Variants in GOLGA4 observed in about 807,000 individuals in gnomAD.
GOLGA4 encodes golgin subfamily A member 4.
GOLGA4 carries 169 observed loss-of-function variants against 265.9 expected under a neutral mutation model. That is an observed-to-expected ratio of 0.64 (90% confidence interval 0.56 to 0.72). The LOEUF (loss-of-function observed/expected upper bound fraction) is 0.72, where lower values mean the gene tolerates loss of function less well. Ranked by LOEUF, GOLGA4 falls within the 30% of genes least tolerant of loss-of-function variation. GOLGA4 has a pLI of 0.00. For synonymous variants in GOLGA4, 923 were observed against 855.8 expected, an observed-to-expected ratio of 1.08 and a Z score of -1.37; for missense variants, 2,482 against 2,483.4, an observed-to-expected ratio of 1.00 and a Z score of 0.01.
chr3:37,276,105 A>G, intron 2 of GOLGA4: 1 of 1,611,390 alleles, frequency 6.2e-7, no homozygotes, highest in Admixed American at 1.7e-5. Context: ...AGCACTTCTG[A>G]TTCTGTGCAG....
intron 16 of GOLGA4, 35 bp from the exon 17 acceptor site, chr3:37,335,018 C>A: frequency 3.2e-6 from 4 of 1,239,928 alleles, no homozygotes; most frequent in Non-Finnish European, 4.5e-6. Flanking sequence ...TCTTTTTTTT[C>A]TTTTCCTTTT....
chr3:37,285,256 C>T (rs1045531239), intron 3 of GOLGA4, among the ~76,000 whole-genome samples: 1 of 151,812 alleles, frequency 6.6e-6, no homozygotes, highest in African/African-American at 2.4e-5. Context: ...CTACCTCGGC[C>T]TCTCAAAATG....
At chr3:37,246,419 T>C (rs1191741729) in intron 1 of GOLGA4, among the ~76,000 whole-genome samples, 1 of 152,318 alleles carries the variant, frequency 6.6e-6, no homozygotes, top group East Asian at 1.9e-4. Context: ...GACATTGTAA[T>C]TTCTTGGGAT....
intron 2 of GOLGA4, among the ~76,000 whole-genome samples, chr3:37,255,134 T>C (rs2096744946): frequency 6.6e-6 from 1 of 151,620 alleles, no homozygotes. Flanking sequence ...AAAATCCTTA[T>C]AGGTTTGTTT....
In GOLGA4 at chr3:37,302,232, A is replaced by T. The variant is rs1443000958; in HGVS notation, c.1134A>T (p.Glu378Asp). ...AACGTCAGATGCATGAAACCCTGGA[A>T]ATGAAAGAAGAAGAAATTGCTCAAC... ...ETKRQMHETL[E>D]MKEEEIAQLR... The change falls in exon 10 of 24, where the codon GAA becomes GAT. Residue 378 changes from glutamate to aspartate, a missense_variant. Glu to Asp is a conservative substitution (Grantham distance 45). Coordinates refer to ENST00000361924, the MANE Select transcript of GOLGA4 (RefSeq NM_002078.5). 4 of 1,613,416 alleles carry T rather than the reference A, an allele frequency of 2.5e-6. No homozygotes were observed. The Admixed American group carries it at 5.0e-5, about 20-fold the overall frequency.
chr3:37,246,819 C>T (rs2096720995), intron 1 of GOLGA4, among the ~76,000 whole-genome samples: 1 of 152,120 alleles, frequency 6.6e-6, no homozygotes, highest in South Asian at 2.1e-4. Context: ...CTTATGCCTG[C>T]AGAATCATCC....
chr3:37,275,114 G>C (rs1030830807), intron 2 of GOLGA4, among the ~76,000 whole-genome samples: 1 of 149,982 alleles, frequency 6.7e-6, no homozygotes, highest in Non-Finnish European at 1.5e-5. Flanking sequence ...TACTCAGGAG[G>C]TTGAGGCAGG....
At chr3:37,275,234 A>AAT (rs2096812380) in intron 2 of GOLGA4, among the ~76,000 whole-genome samples, 1 of 150,428 alleles carries the variant, frequency 6.6e-6, no homozygotes, top group African/African-American at 2.4e-5. Flanking sequence ...AAAAAAAAAA[A>AAT]AAAAAAAGAA....
Position 37,337,702 on chromosome 3 carries a change from T to A in GOLGA4, c.6364T>A (p.Ser2122Thr). 6.2e-7 allele frequency: 1 copy of A among 1,612,230 alleles called. No homozygotes were observed. Among genetic ancestry groups the A allele is most frequent in the Non-Finnish European group, 8.5e-7 (1 of 1,178,248 alleles). ...LAQKTTLISD[S>T]KLKEQEFREQ... ...ACAGAAGACGACTTTAATCAGTGAT[T>A]CGAAATTGAAAGAGCAAGAGTTCAG... Residue 2122 changes from serine (S) to threonine (T), a missense_variant, in exon 19 of 24, where the codon TCG (serine) becomes ACG (threonine). Physicochemically the swap from Ser to Thr is moderately conservative, Grantham distance 58 (BLOSUM62 1). Transcript: ENST00000361924.
chr3:37,259,712 G>A (rs970109040), intron 2 of GOLGA4, among the ~76,000 whole-genome samples: 8 of 152,140 alleles, frequency 5.3e-5, no homozygotes, highest in Non-Finnish European at 1.2e-4. Context: ...TAGGGCTGAG[G>A]AGTTCATGGA....
intron 8 of GOLGA4, 21 bp downstream of exon 8, chr3:37,299,041 T>C: frequency 6.5e-7 from 1 of 1,549,814 alleles, no homozygotes; most frequent in South Asian, 1.2e-5. Flanking sequence ...AGATGAGTTT[T>C]GTTCTAATTT....
At chr3:37,274,900 A>C (rs1482739754) in intron 2 of GOLGA4, among the ~76,000 whole-genome samples, 2 of 151,982 alleles carry the variant, frequency 1.3e-5, no homozygotes, top group East Asian at 3.9e-4. Context: ...CATAGACAAA[A>C]CATTCGGAAG....
Position 37,296,797 on chromosome 3 carries a change from CT to C in GOLGA4, c.814+579del, listed in dbSNP as rs575154273. Among the ~76,000 whole-genome samples the C allele has an allele frequency of 8.0e-4, 122 of 152,272 alleles. 1 individual carries two copies. The highest frequency in any genetic ancestry group is 2.8e-3 in the African/African-American group (117 of 41,540). On this transcript the variant is annotated intron_variant, in intron 7 of 23. Transcript: ENST00000361924. ...TGTTGGCCAGGCTGGTCTCGAACTC[CT>C]AATCTCAAGTAATCTACCTGCCTCA...
intron 2 of GOLGA4, among the ~76,000 whole-genome samples, chr3:37,258,915 A>G (rs917783272): frequency 2.0e-5 from 3 of 152,048 alleles, no homozygotes; most frequent in Non-Finnish European, 2.9e-5. Flanking sequence ...TTTTGTGTCT[A>G]TATTCATAAG....
At chr3:37,360,226 T>C (rs556076170) in intron 22 of GOLGA4, among the ~76,000 whole-genome samples, 1 of 152,344 alleles carries the variant, frequency 6.6e-6, no homozygotes, top group East Asian at 1.9e-4. Context: ...TACAAATTGG[T>C]CTCATTCTTT....
chr3:37,334,369 A>AT (rs1186129570), intron 16 of GOLGA4, among the ~76,000 whole-genome samples: 47 of 149,536 alleles, frequency 3.1e-4, no homozygotes, highest in Admixed American at 1.6e-3. Flanking sequence ...ACAGTAACTC[A>AT]TTTTTTTTTT....
rs1190053549 is a variant in GOLGA4 at position 37,304,023 on chromosome 3, G to A, written c.1234+1691G>A. Among the ~76,000 whole-genome samples the A allele has an allele frequency of 2.0e-5, 3 of 152,262 alleles. No individual in the cohort carries two copies. In the East Asian group the frequency reaches 5.8e-4, roughly 29 times the overall value. Reference sequence around the variant, plus strand: ...ATACTCAAGATTTAATCCAGGCATTGTGACTCAGAGTCTGTGCTCTTAACC... The same window carrying A: ...ATACTCAAGATTTAATCCAGGCATTATGACTCAGAGTCTGTGCTCTTAACC... On this transcript the variant is annotated intron_variant, in intron 10 of 23. Transcript: ENST00000361924.
At chr3:37,317,428 C>T (rs2096940975) in intron 11 of GOLGA4, among the ~76,000 whole-genome samples, 1 of 152,186 alleles carries the variant, frequency 6.6e-6, no homozygotes, top group Non-Finnish European at 1.5e-5. Flanking sequence ...CCTTGGCCTC[C>T]CAAATTGTTG....
chr3:37,362,647 C>T (rs967328561), intron 23 of GOLGA4, among the ~76,000 whole-genome samples: 9 of 151,380 alleles, frequency 5.9e-5, no homozygotes, highest in African/African-American at 2.2e-4. Flanking sequence ...GGGATCCTCC[C>T]ACCTCAGCCT....
Sources: gnomAD v4.1 joint callset for allele counts (sites outside exome capture counted in the v4.1 genomes callset) on GRCh38, gnomAD v4.1.1 for gene constraint, MANE v1.5 for transcripts, NCBI Gene and HGNC (gene_info 2026-07-23, HGNC 2026-07-21) for gene names.